Variants in ESRRB observed in about 807,000 individuals in gnomAD.
ESRRB encodes estrogen related receptor beta.
ESRRB carries 16 observed loss-of-function variants against 46.0 expected under a neutral mutation model. That is an observed-to-expected ratio of 0.35 (90% CI 0.24 to 0.53). The LOEUF (loss-of-function observed/expected upper bound fraction) is 0.53, where lower values mean the gene tolerates loss of function less well. ESRRB is among the 20% of genes least tolerant of loss of function. ESRRB has a pLI of 0.93. For missense variants in ESRRB, 488 were observed against 607.4 expected (o/e 0.80, Z 2.07); for synonymous variants, 246 against 259.6 (o/e 0.95, Z 0.50).
chr14:76,480,384 TG>T (rs1228729887), intron 3 of ESRRB, among the ~76,000 whole-genome samples: 2 of 151,510 alleles, frequency 1.3e-5, no homozygotes, highest in Non-Finnish European at 2.9e-5. Context: ...AGCAGAGGGG[TG>T]GGGGGTAGTG....
At chr14:76,399,494 G>A (rs530201406) in intron 1 of ESRRB, among the ~76,000 whole-genome samples, 1 of 152,270 alleles carries the variant, frequency 6.6e-6, no homozygotes, top group East Asian at 1.9e-4. Flanking sequence ...TGCCCTCAGA[G>A]CCCACATCAT....
At chr14:76,433,390 G>T (rs893070411) in intron 1 of ESRRB, among the ~76,000 whole-genome samples, 10 of 152,168 alleles carry the variant, frequency 6.6e-5, no homozygotes, top group African/African-American at 2.4e-4. Context: ...CACTGGACCA[G>T]CAGTAGGACC....
At chr14:76,494,482 T>C (rs921076809) in intron 6 of ESRRB, among the ~76,000 whole-genome samples, 9 of 152,158 alleles carry the variant, frequency 5.9e-5, no homozygotes, top group African/African-American at 2.2e-4. Flanking sequence ...AATTTTTGTA[T>C]TTTTAGTAGA....
chr14:76,356,653 AC>A (rs1566859220), intron 1 of ESRRB, among the ~76,000 whole-genome samples: 1 of 150,360 alleles, frequency 6.7e-6, no homozygotes, highest in Admixed American at 6.6e-5. Flanking sequence ...AGACCTCCCC[AC>A]TCTGTGCTAA....
rs150432706 is a variant in ESRRB at position 76,398,425 on chromosome 14, C to G, written c.50+21974C>G. 9.7e-4 allele frequency among the ~76,000 whole-genome samples: 147 copies of G among 152,252 alleles called. 2 individuals carry two copies. The highest frequency in any genetic ancestry group is 4.4e-5 in the Non-Finnish European group (3 of 68,018). ...CTCTCTCTCTGTTGGAAACTGAGTC[C>G]GCTTTTTGTTATTGCTTCCCCCATC... On this transcript the variant is annotated intron_variant, in intron 1 of 6. Coordinates refer to ENST00000644823, the MANE Select transcript of ESRRB (RefSeq NM_001379180.1).
At chr14:76,363,565 G>A (rs576398618) in intron 1 of ESRRB, among the ~76,000 whole-genome samples, 20 of 152,220 alleles carry the variant, frequency 1.3e-4, no homozygotes, top group African/African-American at 4.8e-4. Context: ...TCCATTCAGC[G>A]CTGAGAGCAC....
chr14:76,450,757 CAG>C (rs1280453868), intron 2 of ESRRB, among the ~76,000 whole-genome samples: 47 of 152,192 alleles, frequency 3.1e-4, no homozygotes, highest in African/African-American at 1.1e-3. Context: ...AGGCACAAGA[CAG>C]GGGTGCAGAG....
In ESRRB at chr14:76,416,847, G is replaced by C. The variant is rs140767327; in HGVS notation, c.51-22494G>C. On this transcript the variant is annotated intron_variant, in intron 1 of 6. Transcript: ENST00000644823. ...TCTTGATTCTGAGATAAAACAATTA[G>C]TCCAAGACCCTGCCTTCAGGGAACT... Among the ~76,000 whole-genome samples, 558 of 152,298 alleles carry C rather than the reference G, an allele frequency of 3.7e-3. 2 individuals are homozygous for C. The highest frequency in any genetic ancestry group is 0.014 in the Middle Eastern group (4 of 294).
intron 1 of ESRRB, among the ~76,000 whole-genome samples, chr14:76,416,598 T>C (rs550572270): frequency 6.6e-6 from 1 of 152,000 alleles, no homozygotes; most frequent in African/African-American, 2.4e-5. Context: ...GCCTCCTGAG[T>C]AGCTAGGATT....
intron 1 of ESRRB, among the ~76,000 whole-genome samples, chr14:76,361,494 C>T (rs76724098): frequency 0.013 from 1,968 of 152,188 alleles, 40 homozygotes; most frequent in African/African-American, 0.045. Context: ...ACTAAGAAAT[C>T]GAAGTAGTAT....
At chr14:76,455,503 G>T (rs997958254) in intron 2 of ESRRB, among the ~76,000 whole-genome samples, 20 of 151,996 alleles carry the variant, frequency 1.3e-4, no homozygotes, top group African/African-American at 4.4e-4. Flanking sequence ...TATTTTGCCT[G>T]TTGCCATTTC....
At chr14:76,472,266 G>A (rs528112489) in intron 3 of ESRRB, among the ~76,000 whole-genome samples, 7 of 152,304 alleles carry the variant, frequency 4.6e-5, no homozygotes, top group African/African-American at 7.2e-5. Context: ...GAATGCAGGC[G>A]TAACACAGTT....
At position 76,499,028 on chromosome 14, in the gene ESRRB, G is replaced by T; in HGVS notation, c.*570G>T. ...GTTTCCACTCAGCTTTCAGCCAGGG[G>T]GTACCCACAGGAGAGCAGCGGCTAG... On this transcript the variant is annotated 3_prime_UTR_variant, in exon 7 of 7. Coordinates refer to ENST00000644823, the MANE Select transcript of ESRRB (RefSeq NM_001379180.1). 2.8e-6 allele frequency: 1 copy of T among 355,276 alleles called. No homozygotes were observed. Among genetic ancestry groups the T allele is most frequent in the Non-Finnish European group, 5.7e-6 (1 of 175,298 alleles). The allele number at this position is 355,276 out of a possible 1,614,324, so 22.0% of individuals were successfully genotyped here. A position where few individuals can be genotyped will look rare whatever the true frequency, so the allele number is the denominator to read the frequency against.
At chr14:76,314,473 G>A (rs571912030) in intron 1 of ESRRB, among the ~76,000 whole-genome samples, 28 of 152,230 alleles carry the variant, frequency 1.8e-4, no homozygotes, top group Admixed American at 8.5e-4. Context: ...CTCCTGTGTC[G>A]TCTGGTGGGG....
chr14:76,378,538 G>A, intron 1 of ESRRB, among the ~76,000 whole-genome samples: 1 of 152,048 alleles, frequency 6.6e-6, no homozygotes. Flanking sequence ...ATGGGGCACA[G>A]GAAAAGCCAA....
rs147632894 is a variant in ESRRB at position 76,437,706 on chromosome 14, A to G, written c.51-1635A>G. ...ACCACCCAGGCCACCCTCAGACCCAATCCTGGCTGGAATGTGACCCACAGC... is the reference window on the plus strand; with the variant it reads ...ACCACCCAGGCCACCCTCAGACCCAGTCCTGGCTGGAATGTGACCCACAGC... On this transcript the variant is annotated intron_variant, in intron 1 of 6. Coordinates refer to ENST00000644823, the MANE Select transcript of ESRRB (RefSeq NM_001379180.1). Among the ~76,000 whole-genome samples, 55 of 152,180 alleles carry G rather than the reference A, an allele frequency of 3.6e-4. No individual in the cohort carries two copies. In the Middle Eastern group the frequency reaches 0.024, roughly 66 times the overall value.
intron 1 of ESRRB, among the ~76,000 whole-genome samples, chr14:76,330,164 T>G (rs1883995782): frequency 6.6e-6 from 1 of 152,068 alleles, no homozygotes; most frequent in South Asian, 2.1e-4. Context: ...GCCCTGGTTC[T>G]GAGGGAGGCT....
chr14:76,410,666 C>A (rs1886396544), intron 1 of ESRRB, among the ~76,000 whole-genome samples: 1 of 152,140 alleles, frequency 6.6e-6, no homozygotes, highest in Non-Finnish European at 1.5e-5. Context: ...TGGGGTCTTT[C>A]TGTGAAATCA....
chr14:76,400,174 G>T lies in ESRRB; in HGVS notation c.50+23723G>T, dbSNP rs1885877973. ...GTACCTCATCTGCTCTTGAGAATTA[G>T]CCTGGCAGTGGGAGCCCTTCAACTG... On this transcript the variant is annotated intron_variant, in intron 1 of 6. Coordinates refer to ENST00000644823, the MANE Select transcript of ESRRB (RefSeq NM_001379180.1). Among the ~76,000 whole-genome samples the T allele has an allele frequency of 1.3e-5, 2 of 152,212 alleles. 1 individual carries two copies. Among genetic ancestry groups the T allele is most frequent in the South Asian group, 4.1e-4 (2 of 4,830 alleles).
Sources: allele counts gnomAD v4.1 joint callset (sites outside exome capture counted in the v4.1 genomes callset), GRCh38; gene constraint gnomAD v4.1.1; transcripts MANE v1.5; gene names NCBI Gene and HGNC (gene_info 2026-07-23, HGNC 2026-07-21).